Variants in TARBP2 observed in about 807,000 individuals in gnomAD.
The protein encoded by TARBP2 is TARBP2 subunit of RISC loading complex.
TARBP2 carries 23 observed loss-of-function variants against 40.4 expected under a neutral mutation model. That is an observed-to-expected ratio of 0.57 (90% confidence interval 0.41 to 0.81). TARBP2 has a LOEUF of 0.81. Among genes scored for constraint, TARBP2 ranks in the 30% least tolerant of loss-of-function variants. The pLI, the probability that TARBP2 is intolerant of heterozygous loss-of-function variation, is 0.00. For missense variants in TARBP2, 358 were observed against 473.7 expected, an observed-to-expected ratio of 0.76 and a Z score of 2.27; for synonymous variants, 183 against 190.5, an observed-to-expected ratio of 0.96 and a Z score of 0.32.
Position 53,501,474 on chromosome 12 carries a change from G to T in TARBP2, c.53+13G>T. 6.4e-7 allele frequency: 1 copy of T among 1,562,178 alleles called. No individual in the cohort carries two copies. The highest frequency in any genetic ancestry group is 8.7e-7 in the Non-Finnish European group (1 of 1,152,950). On this transcript the variant is annotated intron_variant, in intron 1 of 8. Coordinates refer to ENST00000266987, the MANE Select transcript of TARBP2 (RefSeq NM_134323.2). Reference sequence around the variant, plus strand: ...GCGGGCTGCCTAGGTGAGCCGTCTCGTACCGATTCCTTCAGGGCGAAAAGC... The same window carrying T: ...GCGGGCTGCCTAGGTGAGCCGTCTCTTACCGATTCCTTCAGGGCGAAAAGC...
intron 3 of TARBP2, 70 bp downstream of exon 3, chr12:53,503,199 C>G: frequency 6.8e-7 from 1 of 1,471,152 alleles, no homozygotes; most frequent in Non-Finnish European, 9.0e-7. Flanking sequence ...CACTCTGCCC[C>G]GAGGCCTGGC....
In TARBP2 at chr12:53,501,584, G is replaced by T. The variant is rs868012240; in HGVS notation, c.53+123G>T. ...TTCCCGGCAAGCACTGGGGCAGTGGGCAGTGGTTCCCGGCGTGCACCGGGG... is the reference window on the plus strand; with the variant it reads ...TTCCCGGCAAGCACTGGGGCAGTGGTCAGTGGTTCCCGGCGTGCACCGGGG... On this transcript the variant is annotated intron_variant, in intron 1 of 8. Coordinates refer to ENST00000266987, the MANE Select transcript of TARBP2 (RefSeq NM_134323.2). 11 of 1,495,800 alleles carry T rather than the reference G, an allele frequency of 7.4e-6. No homozygotes were observed. In the Middle Eastern group the frequency reaches 7.7e-4, roughly 104 times the overall value. 92.7% of individuals were successfully genotyped at this position (1,495,800 alleles called of 1,614,324 possible).
At chr12:53,501,194 C>T (rs997857759), upstream of TARBP2, 31 of 585,876 alleles carry the variant, frequency 5.3e-5, no homozygotes, top group Non-Finnish European at 9.0e-5. Context: ...CCTGCCCGGG[C>T]GAGCCACGCA....
rs558781650 is a variant in TARBP2, at chr12:53,503,942, A to T, written c.422+134A>T. ...ACAGAATGGAATAGTTGGGAACCAGAACTTGAAGAAATCACAGCAGCTGGT... is the reference window on the plus strand; with the variant it reads ...ACAGAATGGAATAGTTGGGAACCAGTACTTGAAGAAATCACAGCAGCTGGT... On this transcript the variant is annotated intron_variant, in intron 4 of 8. Transcript: ENST00000266987. The T allele has an allele frequency of 5.3e-4, 369 of 697,972 alleles. 4 individuals carry two copies. The East Asian group carries it at 9.2e-3, about 17-fold the overall frequency. The allele number at this position is 697,972 out of a possible 1,614,324, so 43.2% of individuals were successfully genotyped here.
rs762989017 is a variant in TARBP2 at position 53,504,717 on chromosome 12, G to C, written c.515G>C (p.Gly172Ala). ...TCCAAGGAGCTGGTGGTGCAGAAAG[G>C]CTGGCGGTTGCCGGAGTACACAGTG... ...GALQELVVQK[G>A]WRLPEYTVTQ... Residue 172 changes from glycine to alanine, a missense_variant, in exon 6 of 9, where the codon GGC (glycine) becomes GCC (alanine). Physicochemically the swap from Gly to Ala is moderately conservative, Grantham distance 60. Coordinates refer to ENST00000266987, the MANE Select transcript of TARBP2 (RefSeq NM_134323.2). 1.9e-5 allele frequency: 30 copies of C among 1,614,136 alleles called. No homozygotes were observed. The highest frequency in any genetic ancestry group is 2.5e-5 in the Non-Finnish European group (30 of 1,180,026).
chr12:53,502,462 A>G, intron 2 of TARBP2: 1 of 445,424 alleles, frequency 2.2e-6, no homozygotes, highest in South Asian at 2.5e-5. Context: ...ATCCCAGTGG[A>G]GTATTTGGGG....
In TARBP2 at chr12:53,506,047, G is replaced by T. The variant is rs151303646; in HGVS notation, c.1000G>T (p.Ala334Ser). 19 of 1,614,042 alleles carry T rather than the reference G, an allele frequency of 1.2e-5. No individual in the cohort carries two copies. The highest frequency in any genetic ancestry group is 1.5e-5 in the Non-Finnish European group (18 of 1,179,994). The change falls in exon 9 of 9, where the codon GCC becomes TCC. Residue 334 changes from alanine to serine, a missense_variant. Ala to Ser is a moderately conservative substitution (Grantham distance 99, BLOSUM62 1). Coordinates refer to ENST00000266987, the MANE Select transcript of TARBP2 (RefSeq NM_134323.2). ...QCLVELSTQP[A>S]TVCHGSATTR... is the part of the protein sequence containing the mutation. ...CCTGGTGGAACTGTCCACCCAGCCG[G>T]CCACTGTGTGTCATGGCTCTGCAAC... is the stretch of plus-strand genomic sequence containing the variant.
rs1943927410 is a variant in TARBP2, at chr12:53,505,409, T to TG, written c.741+151dup. On this transcript the variant is annotated intron_variant, in intron 7 of 8. Transcript: ENST00000266987. The surrounding 1 kb of genome is among the most constrained non-coding windows in gnomAD (Gnocchi z 4.5). ...GTTTTCCTACCAGACCCAGGGTTCCTGGGGCCGACTCAGCCTTGACTGTAG... is the reference window on the plus strand; with the variant it reads ...GTTTTCCTACCAGACCCAGGGTTCCTGGGGGCCGACTCAGCCTTGACTGTAG... 6.8e-6 allele frequency: 9 copies of TG among 1,317,544 alleles called. No individual in the cohort carries two copies. The highest frequency in any genetic ancestry group is 9.2e-6 in the Non-Finnish European group (9 of 978,024). 81.6% of individuals were successfully genotyped at this position (1,317,544 alleles called of 1,614,324 possible). A position where few individuals can be genotyped will look rare whatever the true frequency, so the allele number is the denominator to read the frequency against.
chr12:53,506,101 G>A lies in TARBP2; in HGVS notation c.1054G>A (p.Ala352Thr), dbSNP rs1387428580. The A allele has an allele frequency of 2.5e-6, 4 of 1,613,712 alleles. No homozygotes were observed. The highest frequency in any genetic ancestry group is 1.7e-4 in the Middle Eastern group (1 of 6,032). Reference protein sequence around the residue: ...TTREAARGEAARRALQYLKIM... With the variant: ...TTREAARGEATRRALQYLKIM... ...CAGGGAGGCAGCCCGTGGTGAGGCT[G>A]CCCGCCGTGCCCTGCAGTACCTCAA... The change falls in exon 9 of 9, where the codon GCC becomes ACC. Residue 352 changes from alanine (A) to threonine (T), a missense_variant. Physicochemically the swap from Ala to Thr is moderately conservative, Grantham distance 58. This residue lies in a region of TARBP2 where 317 missense variants were observed against 422.9 expected (regional missense o/e 0.75). Coordinates refer to ENST00000266987, the MANE Select transcript of TARBP2 (RefSeq NM_134323.2).
Position 53,503,029 on chromosome 12 carries a change from C to G in TARBP2, c.226C>G (p.Gln76Glu). Residue 76 changes from glutamine to glutamate, a missense_variant and splice_region_variant, in exon 3 of 9, where the codon CAG becomes GAG. By Grantham distance (29) the Gln-to-Glu change is conservative. Around this residue, in one of 3 missense-constraint regions of TARBP2, gnomAD observed 317 missense variants for 422.9 expected, o/e 0.75. Transcript: ENST00000266987. ...VTVGDTSCTG[Q>E]GPSKKAAKHK... ...ATTGCCCATGCCCCCTCTCTCAGGTCAGGGCCCCAGCAAGAAGGCAGCCAA... is the reference window on the plus strand; with the variant it reads ...ATTGCCCATGCCCCCTCTCTCAGGTGAGGGCCCCAGCAAGAAGGCAGCCAA... 1 of 1,549,800 alleles carries G rather than the reference C, an allele frequency of 6.5e-7. No individual in the cohort carries two copies. The highest frequency in any genetic ancestry group is 8.7e-7 in the Non-Finnish European group (1 of 1,145,974).
intron 1 of TARBP2, 141 bp from the exon 2 acceptor site, chr12:53,501,874 A>G (rs1592732670): frequency 7.2e-7 from 1 of 1,392,528 alleles, no homozygotes. Context: ...TCCACTTGGA[A>G]CCCAGCCAAT....
upstream of TARBP2, chr12:53,501,040 C>T (rs914032992): frequency 3.6e-6 from 1 of 275,796 alleles, no homozygotes; most frequent in East Asian, 9.0e-5. Flanking sequence ...GGCTTCCCCT[C>T]CGCTAGTACG....
chr12:53,501,092 A>C, upstream of TARBP2: 1 of 405,948 alleles, frequency 2.5e-6, no homozygotes, highest in Non-Finnish European at 4.6e-6. Flanking sequence ...GGGGCGCGGA[A>C]GGAAGGAGGC....
In TARBP2 at chr12:53,506,125, A is replaced by T. The variant is rs1943976328; in HGVS notation, c.1078A>T (p.Lys360Ter). 1.2e-6 allele frequency: 2 copies of T among 1,613,838 alleles called. No homozygotes were observed. Among genetic ancestry groups the T allele is most frequent in the Non-Finnish European group, 1.7e-6 (2 of 1,179,934 alleles). The change falls in exon 9 of 9, where the codon AAG becomes TAG. Residue 360 changes from lysine (K) to a stop codon, truncating the protein, a stop_gained. Transcript: ENST00000266987. LOFTEE classifies it high-confidence loss of function. ...TGCCCGCCGTGCCCTGCAGTACCTC[A>T]AGATCATGGCAGGCAGCAAGTGAAG... ...EAARRALQYL[K>*]IMAGSK
In TARBP2 at chr12:53,506,238, G is replaced by A. The variant is rs555550158; in HGVS notation, c.*90G>A. 82 of 1,473,430 alleles carry A rather than the reference G, an allele frequency of 5.6e-5. No homozygotes were observed. In the African/African-American group the frequency reaches 1.0e-3, roughly 18 times the overall value. 91.3% of individuals were successfully genotyped at this position (1,473,430 alleles called of 1,614,324 possible). On this transcript the variant is annotated 3_prime_UTR_variant, in exon 9 of 9. Coordinates refer to ENST00000266987, the MANE Select transcript of TARBP2 (RefSeq NM_134323.2). Reference sequence around the variant, plus strand: ...TATCTGCGCAGCTCTGGTACCCTCTGTGGGTGCCATCTCTACCTCTGACAC... The same window carrying A: ...TATCTGCGCAGCTCTGGTACCCTCTATGGGTGCCATCTCTACCTCTGACAC...
At chr12:53,501,923 C>T in intron 1 of TARBP2, 92 bp from the exon 2 acceptor site, 2 of 1,530,708 alleles carry the variant, frequency 1.3e-6, no homozygotes, top group Non-Finnish European at 1.8e-6. Flanking sequence ...ACCCTATGTC[C>T]CCCATAATGT....
In TARBP2 at chr12:53,504,792, G is replaced by T. The variant is rs1304703342; in HGVS notation, c.590G>T (p.Arg197Leu). The T allele has an allele frequency of 9.3e-6, 15 of 1,614,000 alleles. No homozygotes were observed. Among genetic ancestry groups the T allele is most frequent in the Non-Finnish European group, 1.3e-5 (15 of 1,180,042 alleles). The change falls in exon 6 of 9, where the codon CGA (arginine) becomes CTA (leucine). Residue 197 changes from arginine to leucine, a missense_variant. Coordinates refer to ENST00000266987, the MANE Select transcript of TARBP2 (RefSeq NM_134323.2). ...AHRKEFTMTCRVERFIEIGSG... is the reference protein window; with the variant it reads ...AHRKEFTMTCLVERFIEIGSG... ...CGCAAAGAATTCACCATGACCTGTC[G>T]AGTGGAGCGTTTCATTGAGATTGGT...
chr12:53,505,338 G>A lies in TARBP2; in HGVS notation c.741+76G>A. 1 of 1,516,008 alleles carries A rather than the reference G, an allele frequency of 6.6e-7. No homozygotes were observed. 93.9% of individuals were successfully genotyped at this position (1,516,008 alleles called of 1,614,324 possible). A position where few individuals can be genotyped will look rare whatever the true frequency, so the allele number is the denominator to read the frequency against. ...CAGGGCTCCAGGGACTTGGGTCTGT[G>A]ACTCAGCAGTGAGCCTCTCTGGGCC... On this transcript the variant is annotated intron_variant, in intron 7 of 8. Coordinates refer to ENST00000266987, the MANE Select transcript of TARBP2 (RefSeq NM_134323.2). The surrounding 1 kb of genome is among the most constrained non-coding windows in gnomAD (Gnocchi z 4.5).
In TARBP2 at chr12:53,502,017, T is replaced by C. The variant is rs1943737064; in HGVS notation, c.56T>C (p.Ile19Thr). The change falls in exon 2 of 9, where the codon ATA becomes ACA. Residue 19 changes from isoleucine to threonine, a missense_variant and splice_region_variant. This residue lies in a region of TARBP2 where 9 missense variants were observed against 29.1 expected (regional missense o/e 0.31). Coordinates refer to ENST00000266987, the MANE Select transcript of TARBP2 (RefSeq NM_134323.2). ...TGGGTCTGTGCCCCTTCCCCCAGTA[T>C]AGAGCAAATGCTGGCCGCCAACCCA... is the stretch of plus-strand genomic sequence containing the variant. ...GTTTGCGLPS[I>T]EQMLAANPGK... The C allele has an allele frequency of 6.2e-7, 1 of 1,614,010 alleles. No homozygotes were observed. Among genetic ancestry groups the C allele is most frequent in the South Asian group, 1.1e-5 (1 of 91,084 alleles).
Sources: allele counts gnomAD v4.1 joint callset, GRCh38; gene constraint gnomAD v4.1.1; regional missense constraint gnomAD v4.1.1; non-coding constraint Gnocchi (gnomAD v3.1); transcripts MANE v1.5; gene names NCBI Gene and HGNC (gene_info 2026-07-23, HGNC 2026-07-21).